The following MAP2 variants were observed in gnomAD, a reference collection of about 807,000 sequenced individuals.
The protein encoded by MAP2 is microtubule associated protein 2.
In MAP2, 14 loss-of-function variants were observed where a neutral mutation model predicts 137.6. That is an observed-to-expected ratio of 0.10 (90% CI 0.07 to 0.16). The LOEUF (loss-of-function observed/expected upper bound fraction) is 0.16, where lower values mean the gene tolerates loss of function less well. MAP2 is among the 10% of genes least tolerant of loss of function. The pLI is 1.00. For missense variants in MAP2, 2,088 were observed against 2,191.5 expected, an observed-to-expected ratio of 0.95 and a Z score of 0.94; for synonymous variants, 786 against 782.3, an observed-to-expected ratio of 1.00 and a Z score of -0.08.
chr2:209,669,231 G>A (rs77425775), intron 5 of MAP2, among the ~76,000 whole-genome samples: 4,985 of 152,132 alleles, frequency 0.033, 264 homozygotes, highest in African/African-American at 0.11. Context: ...GGACGGGAAG[G>A]AGGTTTAAGT....
At chr2:209,708,983 T>G (rs2064437545) in intron 12 of MAP2, among the ~76,000 whole-genome samples, 2 of 152,178 alleles carry the variant, frequency 1.3e-5, no homozygotes, top group Non-Finnish European at 2.9e-5. Flanking sequence ...GCATTCTTAT[T>G]TCTATCATTC....
chr2:209,704,179 T>G, intron 11 of MAP2: 1 of 394,070 alleles, frequency 2.5e-6, no homozygotes, highest in Non-Finnish European at 4.8e-6. Flanking sequence ...GTGTACCCAT[T>G]GTTTAGCTCC....
At chr2:209,575,489 C>A (rs1191923174) in intron 2 of MAP2, among the ~76,000 whole-genome samples, 1 of 136,402 alleles carries the variant, frequency 7.3e-6, no homozygotes, top group Non-Finnish European at 1.5e-5. Context: ...CCACTGCACT[C>A]CAGCCTGGGC....
At chr2:209,627,732 A>G (rs1274180594) in intron 4 of MAP2, among the ~76,000 whole-genome samples, 1 of 152,170 alleles carries the variant, frequency 6.6e-6, no homozygotes, top group Non-Finnish European at 1.5e-5. Flanking sequence ...AAAGCAAGGA[A>G]GACACAGTAC....
intron 3 of MAP2, among the ~76,000 whole-genome samples, chr2:209,581,455 C>A (rs2076391628): frequency 6.6e-6 from 1 of 152,132 alleles, no homozygotes; most frequent in Non-Finnish European, 1.5e-5. Flanking sequence ...TGCACTTCTT[C>A]TTCAGAAATT....
In MAP2 at chr2:209,693,406, G is replaced by A; in HGVS notation, c.1236G>A (p.Lys412=). Reference sequence around the variant, plus strand: ...TGGGGAAAGTTTTAGAGGAAGAAAAGGAGGCCATAAATCAAGAGACTGTGC... The same window carrying A: ...TGGGGAAAGTTTTAGAGGAAGAAAAAGAGGCCATAAATCAAGAGACTGTGC... ...HVMGKVLEEE[K]EAINQETVQQ... Residue 412 remains lysine (K), a synonymous_variant, in exon 8 of 16, where the codon AAG becomes AAA. Transcript: ENST00000682079. 3 of 1,613,124 alleles carry A rather than the reference G, an allele frequency of 1.9e-6. No homozygotes were observed.
chr2:209,580,652 T>C (rs2076201141), intron 3 of MAP2, among the ~76,000 whole-genome samples: 1 of 152,212 alleles, frequency 6.6e-6, no homozygotes, highest in African/African-American at 2.4e-5. Context: ...GGTTGTTAGT[T>C]CTTAAAAGAA....
At chr2:209,583,956 A>G (rs140859036) in intron 3 of MAP2, among the ~76,000 whole-genome samples, 28 of 151,934 alleles carry the variant, frequency 1.8e-4, no homozygotes, top group Admixed American at 6.6e-4. Context: ...CCCAGTGTCT[A>G]TTGTTGCCAT....
At chr2:209,494,441 A>AAC (rs113350566) in intron 1 of MAP2, among the ~76,000 whole-genome samples, 35 of 151,968 alleles carry the variant, frequency 2.3e-4, no homozygotes, top group African/African-American at 8.4e-4. Context: ...TTAAAAAAAA[A>AAC]AAAAAGCCAG....
intron 2 of MAP2, among the ~76,000 whole-genome samples, chr2:209,547,334 T>TTA (rs1165132045): frequency 2.0e-5 from 3 of 151,764 alleles, no homozygotes; most frequent in Non-Finnish European, 4.4e-5. Context: ...CTTTTTTTTT[T>TTA]AAATATGTTT....
intron 12 of MAP2, among the ~76,000 whole-genome samples, chr2:209,708,831 T>C (rs2064351364): frequency 6.6e-6 from 1 of 152,162 alleles, no homozygotes; most frequent in African/African-American, 2.4e-5. Context: ...GCTTAGACGT[T>C]AGTAGCATCT....
rs151146721 is a variant in MAP2 at position 209,529,545 on chromosome 2, A to G, written c.-172+21904A>G. Among the ~76,000 whole-genome samples the G allele has an allele frequency of 6.8e-4, 104 of 152,248 alleles. 1 individual carries two copies. In the East Asian group the frequency reaches 0.016, roughly 23 times the overall value. On this transcript the variant is annotated intron_variant, in intron 2 of 15. Coordinates refer to ENST00000682079, the MANE Select transcript of MAP2 (RefSeq NM_001375505.1). ...CTTCAAGAAAAAATATATGGGTCTG[A>G]TTATCACAAATGTTACTTATTAACA...
chr2:209,660,900 A>G (rs2043256427), intron 5 of MAP2, among the ~76,000 whole-genome samples: 1 of 144,104 alleles, frequency 6.9e-6, no homozygotes, highest in African/African-American at 2.6e-5. Flanking sequence ...ACGCCCGGCT[A>G]ATTTTTTGTA....
intron 1 of MAP2, among the ~76,000 whole-genome samples, chr2:209,430,332 T>TG (rs1399892901): frequency 6.6e-6 from 1 of 151,892 alleles, no homozygotes; most frequent in Non-Finnish European, 1.5e-5. Flanking sequence ...TTTGTCTACC[T>TG]GGTGTTTCAC....
Position 209,597,738 on chromosome 2 carries a change from T to G in MAP2, c.-107+17638T>G, listed in dbSNP as rs796788080. Among the ~76,000 whole-genome samples the G allele has an allele frequency of 3.9e-5, 6 of 151,904 alleles. No homozygotes were observed. In the East Asian group the frequency reaches 1.2e-3, roughly 30 times the overall value. ...CTTCCTGCAGCTATTGCATTTTTTG[T>G]TTTTTTTGTTTTCGTTTTTTGGCCT... On this transcript the variant is annotated intron_variant, in intron 3 of 15. Coordinates refer to ENST00000682079, the MANE Select transcript of MAP2 (RefSeq NM_001375505.1).
At position 209,653,201 on chromosome 2, in the gene MAP2, G is replaced by A. The variant is rs2094921912; in HGVS notation, c.31G>A (p.Ala11Thr). Residue 11 changes from alanine (A) to threonine (T), a missense_variant, in exon 5 of 16, where the codon GCA (alanine) becomes ACA (threonine). Coordinates refer to ENST00000682079, the MANE Select transcript of MAP2 (RefSeq NM_001375505.1). ...AGATGAACGGAAAGATGAAGCAAAG[G>A]CACCTCACTGGACCTCAGCACCGCT... MADERKDEAK[A>T]PHWTSAPLTE... 1.9e-6 allele frequency: 3 copies of A among 1,606,290 alleles called. No homozygotes were observed. Among genetic ancestry groups the A allele is most frequent in the Non-Finnish European group, 2.5e-6 (3 of 1,177,336 alleles).
Position 209,692,739 on chromosome 2 carries a change from A to C in MAP2, c.569A>C (p.Glu190Ala). 1 of 1,614,106 alleles carries C rather than the reference A, an allele frequency of 6.2e-7. No individual in the cohort carries two copies. Among genetic ancestry groups the C allele is most frequent in the Non-Finnish European group, 8.5e-7 (1 of 1,179,984 alleles). ...TCAGAGAAGCAAAGTAAGCCTGGTG[A>C]AGACCTTAAACATGCTGCCTTAGTT... ...KESEKQSKPG[E>A]DLKHAALVSQ... Residue 190 changes from glutamate (E) to alanine (A), a missense_variant, in exon 8 of 16, where the codon GAA (glutamate) becomes GCA (alanine). Around this residue, in one of 6 missense-constraint regions of MAP2, gnomAD observed 859 missense variants for 794.5 expected, o/e 1.08. Transcript: ENST00000682079.
chr2:209,461,145 A>G (rs977641566), intron 1 of MAP2, among the ~76,000 whole-genome samples: 4 of 152,254 alleles, frequency 2.6e-5, no homozygotes, highest in South Asian at 4.1e-4. Context: ...ATTATTAAGT[A>G]AACTTAATTA....
rs150500467 is a variant in MAP2 at position 209,507,190 on chromosome 2, G to A, written c.-221-402G>A. ...GGGGTGGTGGGGACACTAGCATTCA[G>A]TCTATGGCAGGATCAAAATGCCTGA... On this transcript the variant is annotated intron_variant, in intron 1 of 15. Coordinates refer to ENST00000682079, the MANE Select transcript of MAP2 (RefSeq NM_001375505.1). Among the ~76,000 whole-genome samples, 26 of 152,162 alleles carry A rather than the reference G, an allele frequency of 1.7e-4. No homozygotes were observed. In the East Asian group the frequency reaches 4.8e-3, roughly 28 times the overall value.
Sources: allele counts gnomAD v4.1 joint callset (sites outside exome capture counted in the v4.1 genomes callset), GRCh38; gene constraint gnomAD v4.1.1; regional missense constraint gnomAD v4.1.1; transcripts MANE v1.5; gene names NCBI Gene and HGNC (gene_info 2026-07-23, HGNC 2026-07-21).